C1orf105: variants seen among roughly 807,000 people sequenced by gnomAD.
The protein encoded by C1orf105 is chromosome 1 open reading frame 105, also known as uncharacterized protein C1orf105.
A neutral mutation model predicts 20.8 loss-of-function variants in C1orf105; 17 were observed. The observed-to-expected ratio is 0.82, with a 90% CI of 0.56 to 1.23. C1orf105 has a LOEUF of 1.23. C1orf105 is among the 50% of genes most tolerant of loss of function. The pLI, the probability that C1orf105 is intolerant of heterozygous loss-of-function variation, is 0.00. For synonymous variants in C1orf105, 72 were observed against 72.1 expected (o/e 1.00, Z 0.01); for missense variants, 219 against 213.5 (o/e 1.03, Z -0.16).
intron 1 of C1orf105, 150 bp downstream of exon 1, chr1:172,421,056 G>A: frequency 1.4e-6 from 1 of 697,112 alleles, no homozygotes; most frequent in South Asian, 1.9e-5. Context: ...GGAAATAACA[G>A]CTGATGTTCA....
At chr1:172,450,020 C>T (rs1054627927) in intron 3 of C1orf105, among the ~76,000 whole-genome samples, 1 of 152,320 alleles carries the variant, frequency 6.6e-6, no homozygotes, top group Admixed American at 6.5e-5. Flanking sequence ...CCAATGCTAA[C>T]GACCAGTAGG....
At chr1:172,428,693 T>A (rs562441646) in intron 1 of C1orf105, 2 of 595,818 alleles carry the variant, frequency 3.4e-6, no homozygotes, top group East Asian at 5.9e-5. Flanking sequence ...TTTTCTTTTT[T>A]CCATAGCACT....
intron 1 of C1orf105, among the ~76,000 whole-genome samples, chr1:172,434,195 C>T (rs572120136): frequency 1.2e-4 from 19 of 152,258 alleles, no homozygotes; most frequent in African/African-American, 2.6e-4. Context: ...GACAGATTAA[C>T]GAGACAAAAT....
intron 3 of C1orf105, among the ~76,000 whole-genome samples, chr1:172,452,429 T>TCCTCACAG (rs1648753094): frequency 6.6e-6 from 1 of 152,180 alleles, no homozygotes; most frequent in Non-Finnish European, 1.5e-5. Flanking sequence ...GTGTCAGTAC[T>TCCTCACAG]CCTCACAGGG....
At chr1:172,429,990 AGAGT>A (rs1375312700) in intron 1 of C1orf105, among the ~76,000 whole-genome samples, 9 of 152,126 alleles carry the variant, frequency 5.9e-5, no homozygotes, top group African/African-American at 2.2e-4. Flanking sequence ...CCTGTAACTT[AGAGT>A]GATAAGAAGC....
Position 172,462,165 on chromosome 1 carries a change from C to CT in C1orf105, c.274-10dup. On this transcript the variant is annotated splice_polypyrimidine_tract_variant and intron_variant, in intron 4 of 6. Transcript: ENST00000367727. ...GTTACAGGCAACGTTCTAAATGAGA[C>CT]TTTCTTCTTGAGGTACAACCAAGAA... The CT allele has an allele frequency of 6.3e-7, 1 of 1,599,170 alleles. No individual in the cohort carries two copies. Among genetic ancestry groups the CT allele is most frequent in the Non-Finnish European group, 8.5e-7 (1 of 1,170,278 alleles).
intron 4 of C1orf105, 26 bp from the exon 5 acceptor site, chr1:172,462,152 G>GT: frequency 6.4e-7 from 1 of 1,561,436 alleles, no homozygotes; most frequent in Non-Finnish European, 8.8e-7. Flanking sequence ...TACAGGCAAC[G>GT]TTCTAAATGA....
intron 2 of C1orf105, among the ~76,000 whole-genome samples, chr1:172,446,777 CCAGGTCCTGGAGGGTCAGAGCAGACAGT>C (rs1463798917): frequency 5.9e-5 from 9 of 152,290 alleles, no homozygotes; most frequent in African/African-American, 2.2e-4. Context: ...ACTTTCATAG[CCAGGTCCTGGAGGGTCAGAGCAGACAGT>C]CTGTTGACAG....
At chr1:172,443,905 C>T in intron 1 of C1orf105, 1 of 958,180 alleles carries the variant, frequency 1.0e-6, no homozygotes, top group Non-Finnish European at 1.3e-6. Flanking sequence ...CCGCCGCCGC[C>T]CCTCACTCAG....
At chr1:172,458,666 G>C (rs1360886339) in intron 4 of C1orf105, among the ~76,000 whole-genome samples, 1 of 152,104 alleles carries the variant, frequency 6.6e-6, no homozygotes, top group African/African-American at 2.4e-5. Context: ...CAAAATCCCA[G>C]ATGCCATTTT....
intron 1 of C1orf105, chr1:172,441,560 G>A: frequency 1.8e-6 from 1 of 545,040 alleles, no homozygotes; most frequent in Non-Finnish European, 3.1e-6. Context: ...TAACAGAAAG[G>A]ATAAGCACCC....
chr1:172,442,158 G>A, intron 1 of C1orf105: 1 of 1,614,218 alleles, frequency 6.2e-7, no homozygotes, highest in Non-Finnish European at 8.5e-7. Context: ...CTAACAGCAT[G>A]AAGACTGACA....
intron 1 of C1orf105, chr1:172,441,586 T>G: frequency 1.4e-6 from 1 of 702,008 alleles, no homozygotes; most frequent in Non-Finnish European, 2.2e-6. Flanking sequence ...ACCCAAGCCT[T>G]TGGTTCATTT....
chr1:172,457,977 C>T (rs898919377), intron 4 of C1orf105, among the ~76,000 whole-genome samples: 1 of 152,240 alleles, frequency 6.6e-6, no homozygotes, highest in Non-Finnish European at 1.5e-5. Flanking sequence ...GACTGCAGGT[C>T]TGCTGTAGTC....
chr1:172,456,529 A>C, intron 4 of C1orf105, 40 bp downstream of exon 4: 170 of 1,569,518 alleles, frequency 1.1e-4, no homozygotes, highest in Non-Finnish European at 1.3e-4. Context: ...CAGGCATCTC[A>C]GGGTGCAGCA....
chr1:172,454,988 C>G (rs74126225), intron 3 of C1orf105, among the ~76,000 whole-genome samples: 7 of 152,084 alleles, frequency 4.6e-5, no homozygotes, highest in Non-Finnish European at 8.8e-5. Flanking sequence ...TTGCTTTATT[C>G]GTCGGTATGA....
At position 172,420,727 on chromosome 1, in the gene C1orf105, T is replaced by C; in HGVS notation, c.-159T>C. 1 of 651,278 alleles carries C rather than the reference T, an allele frequency of 1.5e-6. No individual in the cohort carries two copies. Among genetic ancestry groups the C allele is most frequent in the Non-Finnish European group, 2.8e-6 (1 of 361,772 alleles). The allele number at this position is 651,278 out of a possible 1,614,324, so 40.3% of individuals were successfully genotyped here. A position where few individuals can be genotyped will look rare whatever the true frequency, so the allele number is the denominator to read the frequency against. On this transcript the variant is annotated 5_prime_UTR_variant, in exon 1 of 7. Coordinates refer to ENST00000367727, the MANE Select transcript of C1orf105 (RefSeq NM_139240.4). ...GATGTTGGTAGAGAAAAAGGCATAC[T>C]GGTATTGAAACTGTAAACTGGCCTG... is the stretch of plus-strand genomic sequence containing the variant.
At chr1:172,428,882 A>G (rs2071789884) in intron 1 of C1orf105, 2 of 675,694 alleles carry the variant, frequency 3.0e-6, no homozygotes, top group Non-Finnish European at 2.7e-6. Context: ...GCCACACACT[A>G]TAAAAATCTG....
chr1:172,427,346 T>C (rs542104967), intron 1 of C1orf105, among the ~76,000 whole-genome samples: 3 of 152,178 alleles, frequency 2.0e-5, no homozygotes, highest in Non-Finnish European at 4.4e-5. Context: ...CTCCAGAATA[T>C]TTCCCCAGCA....
Sources: gnomAD v4.1 joint callset for allele counts (sites outside exome capture counted in the v4.1 genomes callset) on GRCh38, gnomAD v4.1.1 for gene constraint, MANE v1.5 for transcripts, NCBI Gene and HGNC (gene_info 2026-07-23, HGNC 2026-07-21) for gene names.